NCOA4: variants seen among roughly 807,000 people sequenced by gnomAD.
The protein encoded by NCOA4 is nuclear receptor coactivator 4.
A neutral mutation model predicts 69.5 loss-of-function variants in NCOA4; 31 were observed. The ratio of observed to expected loss-of-function variants is 0.45; its 90% CI spans 0.34 to 0.60. The LOEUF is 0.60. NCOA4 is among the 20% of genes least tolerant of loss of function. NCOA4 has a pLI of 0.02. For synonymous variants in NCOA4, 228 were observed against 252.4 expected (o/e 0.90, Z 0.92); for missense variants, 600 against 719.2 (o/e 0.83, Z 1.90).
At chr10:46,022,925 C>T (rs1839970029) in intron 1 of NCOA4, among the ~76,000 whole-genome samples, 1 of 152,070 alleles carries the variant, frequency 6.6e-6, no homozygotes, top group Admixed American at 6.6e-5. Flanking sequence ...GTTAATATCG[C>T]AACAGATTTA....
intron 9 of NCOA4, among the ~76,000 whole-genome samples, chr10:46,007,178 T>G (rs572994261): frequency 6.6e-6 from 1 of 152,154 alleles, no homozygotes; most frequent in African/African-American, 2.4e-5. Flanking sequence ...ATTTCTGATA[T>G]GGAGAAAGTT....
intron 7 of NCOA4, among the ~76,000 whole-genome samples, chr10:46,011,900 A>T (rs782736797): frequency 6.6e-6 from 1 of 151,474 alleles, no homozygotes; most frequent in Non-Finnish European, 1.5e-5. Context: ...AAAATAAAAA[A>T]TATGCAAAAA....
chr10:46,020,947 C>T (rs1839830539), intron 1 of NCOA4, among the ~76,000 whole-genome samples: 1 of 152,160 alleles, frequency 6.6e-6, no homozygotes, highest in Non-Finnish European at 1.5e-5. Context: ...CTAAAACTTC[C>T]CTGCCTCTAG....
intron 7 of NCOA4, among the ~76,000 whole-genome samples, chr10:46,012,099 A>AAAAAAAAAAAAAAAAAAATATAT (rs1839265193): frequency 7.5e-6 from 1 of 133,836 alleles, no homozygotes; most frequent in Admixed American, 7.3e-5. Flanking sequence ...AAAAAAAAAA[A>AAAAAAAAAAAAAAAAAAATATAT]AAAACGAAAA....
intron 4 of NCOA4, 107 bp from the exon 5 acceptor site, chr10:46,014,659 C>T: frequency 2.3e-6 from 2 of 870,862 alleles, no homozygotes; most frequent in Non-Finnish European, 3.6e-6. Context: ...TTACACTTCT[C>T]TAAGAAACTC....
At chr10:46,017,716 A>G (rs1839648763) in intron 1 of NCOA4, among the ~76,000 whole-genome samples, 1 of 152,164 alleles carries the variant, frequency 6.6e-6, no homozygotes, top group South Asian at 2.1e-4. Context: ...GTGGGTAAAT[A>G]CAGAGTTCTC....
Position 46,010,677 on chromosome 10 carries a change from T to G in NCOA4, c.1244A>C (p.Glu415Ala). Residue 415 changes from glutamate to alanine, a missense_variant, in exon 8 of 10, where the codon GAG becomes GCG. By Grantham distance (107) the Glu-to-Ala change is moderately radical. Transcript: ENST00000581486. Reference protein sequence around the residue: ...RANEPCTSFAECVCDENCEKE... With the variant: ...RANEPCTSFAACVCDENCEKE... ...CTCACAATTCTCATCACACACACAC[T>G]CTGCAAAGCTTGTGCAGGGCTCATT... The G allele has an allele frequency of 6.2e-7, 1 of 1,614,050 alleles. No individual in the cohort carries two copies. The highest frequency in any genetic ancestry group is 1.3e-5 in the African/African-American group (1 of 74,988).
At chr10:46,027,066 C>T (rs572041283) in intron 1 of NCOA4, among the ~76,000 whole-genome samples, 1 of 152,094 alleles carries the variant, frequency 6.6e-6, no homozygotes, top group Non-Finnish European at 1.5e-5. Flanking sequence ...GTCAGGAGAT[C>T]AAGACCATCC....
chr10:46,028,252 C>T, intron 1 of NCOA4, among the ~76,000 whole-genome samples: 1 of 152,286 alleles, frequency 6.6e-6, no homozygotes, highest in South Asian at 2.1e-4. Context: ...TGCCTCCAAT[C>T]CCCCTTAATA....
intron 1 of NCOA4, among the ~76,000 whole-genome samples, chr10:46,020,367 G>A (rs1554924116): frequency 1.3e-5 from 2 of 152,148 alleles, no homozygotes; most frequent in African/African-American, 2.4e-5. Context: ...TTGCTACAGA[G>A]GGGCTGCAGT....
rs146372376 is a variant in NCOA4 at position 46,017,907 on chromosome 10, G to A, written c.-14-1213C>T. On this transcript the variant is annotated intron_variant, in intron 1 of 9. Transcript: ENST00000581486. ...GAAAATGACAGCAGTGATTACTAGAGCTCAGAATAGGTTCACTAAGCCTTG... is the reference window on the plus strand; with the variant it reads ...GAAAATGACAGCAGTGATTACTAGAACTCAGAATAGGTTCACTAAGCCTTG... Among the ~76,000 whole-genome samples the A allele has an allele frequency of 1.8e-4, 27 of 152,288 alleles. No individual in the cohort carries two copies. The East Asian group carries it at 5.2e-3, about 29-fold the overall frequency.
chr10:46,026,466 T>TG (rs1840162712), intron 1 of NCOA4, among the ~76,000 whole-genome samples: 1 of 152,138 alleles, frequency 6.6e-6, no homozygotes, highest in Non-Finnish European at 1.5e-5. Flanking sequence ...AGTTGAATAT[T>TG]GGGGGGACTA....
At chr10:46,021,708 C>A (rs1839877831) in intron 1 of NCOA4, among the ~76,000 whole-genome samples, 1 of 152,170 alleles carries the variant, frequency 6.6e-6, no homozygotes, top group South Asian at 2.1e-4. Flanking sequence ...GCCTGTAATC[C>A]CAGCACTTTG....
At chr10:46,017,594 A>G (rs534615935) in intron 1 of NCOA4, among the ~76,000 whole-genome samples, 3 of 152,290 alleles carry the variant, frequency 2.0e-5, no homozygotes, top group Admixed American at 6.5e-5. Context: ...TGTTTTATAT[A>G]GAGAGAATAT....
intron 1 of NCOA4, among the ~76,000 whole-genome samples, chr10:46,022,709 C>G (rs1839958235): frequency 6.6e-6 from 1 of 152,158 alleles, no homozygotes; most frequent in Non-Finnish European, 1.5e-5. Flanking sequence ...TCGTGATCCG[C>G]CCGCCTCGGC....
chr10:46,010,237 G>A lies in NCOA4; in HGVS notation c.1684C>T (p.Arg562Ter), dbSNP rs782538857. ...TTTATGCTCACCTGGGCCTTCTTTC[G>A]AAGCAGCCACTTGTCTTCTCCAGAA... ...LSSGEDKWLL[R>*]KKAQEVLLNS... is the part of the protein sequence containing the mutation. Residue 562 changes from arginine to a stop codon, truncating the protein, a stop_gained, in exon 8 of 10, where the codon CGA (arginine) becomes TGA (stop). Coordinates refer to ENST00000581486, the MANE Select transcript of NCOA4 (RefSeq NM_001145263.2). LOFTEE classifies it high-confidence loss of function. The A allele has an allele frequency of 2.5e-6, 4 of 1,602,246 alleles. No homozygotes were observed. Among genetic ancestry groups the A allele is most frequent in the South Asian group, 1.1e-5 (1 of 89,156 alleles).
chr10:46,018,411 G>GA (rs1554923754), intron 1 of NCOA4, among the ~76,000 whole-genome samples: 2 of 152,146 alleles, frequency 1.3e-5, no homozygotes, highest in African/African-American at 4.8e-5. Flanking sequence ...GGGTCTGTGG[G>GA]AAAAAATAAC....
chr10:46,008,325 C>G (rs1263794983), intron 9 of NCOA4, among the ~76,000 whole-genome samples: 1 of 152,216 alleles, frequency 6.6e-6, no homozygotes, highest in Non-Finnish European at 1.5e-5. Context: ...CTGGGTGCCA[C>G]TAAGATCATT....
At chr10:46,007,421 C>T (rs548647266) in intron 9 of NCOA4, among the ~76,000 whole-genome samples, 2 of 152,164 alleles carry the variant, frequency 1.3e-5, no homozygotes, top group East Asian at 3.9e-4. Context: ...TAGCCAAGAT[C>T]GTAAATGAAG....
Sources: allele counts gnomAD v4.1 joint callset (sites outside exome capture counted in the v4.1 genomes callset), GRCh38; gene constraint gnomAD v4.1.1; transcripts MANE v1.5; gene names NCBI Gene and HGNC (gene_info 2026-07-23, HGNC 2026-07-21).